GALNTL6: variants seen among roughly 807,000 people sequenced by gnomAD.
The protein encoded by GALNTL6 is polypeptide N-acetylgalactosaminyltransferase like 6, also known as polypeptide N-acetylgalactosaminyltransferase-like 6.
GALNTL6 carries 46 observed loss-of-function variants against 73.7 expected under a neutral mutation model. That is an observed-to-expected ratio of 0.62 (90% CI 0.49 to 0.80). The LOEUF is 0.80. Ranked by LOEUF, GALNTL6 falls within the 30% of genes least tolerant of loss-of-function variation. The pLI is 0.00. For missense variants in GALNTL6, 604 were observed against 755.0 expected, an observed-to-expected ratio of 0.80 and a Z score of 2.34; for synonymous variants, 259 against 263.7, an observed-to-expected ratio of 0.98 and a Z score of 0.17.
chr4:172,969,911 A>C (rs1750496513), intron 10 of GALNTL6, among the ~76,000 whole-genome samples: 1 of 152,164 alleles, frequency 6.6e-6, no homozygotes, highest in Non-Finnish European at 1.5e-5. Context: ...TATTTTCCCT[A>C]AGTGTCAGCT....
chr4:172,793,535 G>A (rs1335506471), intron 5 of GALNTL6, among the ~76,000 whole-genome samples: 1 of 152,144 alleles, frequency 6.6e-6, no homozygotes, highest in African/African-American at 2.4e-5. Context: ...CGGGACCATG[G>A]GAGACACATC....
intron 7 of GALNTL6, among the ~76,000 whole-genome samples, chr4:172,868,349 G>A (rs1327803208): frequency 6.6e-6 from 1 of 152,108 alleles, no homozygotes; most frequent in Non-Finnish European, 1.5e-5. Flanking sequence ...TATCTTCTCA[G>A]CATCTTTGGG....
chr4:171,907,970 CT>C (rs1737347588), intron 2 of GALNTL6, among the ~76,000 whole-genome samples: 2 of 151,990 alleles, frequency 1.3e-5, no homozygotes, highest in South Asian at 4.1e-4. Context: ...GGATCCCTTC[CT>C]TACACCTTAT....
At chr4:172,937,557 G>C (rs1375058738) in intron 9 of GALNTL6, among the ~76,000 whole-genome samples, 1 of 152,172 alleles carries the variant, frequency 6.6e-6, no homozygotes, top group African/African-American at 2.4e-5. Flanking sequence ...AAAAACTTTT[G>C]ACAGATTTTC....
intron 5 of GALNTL6, among the ~76,000 whole-genome samples, chr4:172,393,176 G>A (rs1295700611): frequency 3.3e-5 from 5 of 152,136 alleles, no homozygotes; most frequent in African/African-American, 4.8e-5. Context: ...AAAGGGAGCC[G>A]CTGCTATATA....
chr4:172,811,038 A>G (rs1741266786), intron 6 of GALNTL6, among the ~76,000 whole-genome samples: 1 of 152,160 alleles, frequency 6.6e-6, no homozygotes, highest in Non-Finnish European at 1.5e-5. Context: ...AAAGTATTTC[A>G]TTTCCTGTAG....
intron 8 of GALNTL6, among the ~76,000 whole-genome samples, chr4:172,929,046 C>T (rs1315886475): frequency 6.6e-6 from 1 of 152,172 alleles, no homozygotes; most frequent in Non-Finnish European, 1.5e-5. Context: ...TGTTATAGAG[C>T]TCCAGCCTGT....
At chr4:172,866,536 T>G (rs919358847) in intron 7 of GALNTL6, among the ~76,000 whole-genome samples, 1 of 152,238 alleles carries the variant, frequency 6.6e-6, no homozygotes, top group Non-Finnish European at 1.5e-5. Flanking sequence ...GTCTGGCATA[T>G]GTTTAGATGT....
rs1055517906 is a variant in GALNTL6 at position 172,467,856 on chromosome 4, TTC to T, written c.553+119169_553+119170del. ...TTTCTTTCTTTCTTTCTTTCTTTCT[TTC>T]TTTCTTTCCTTCTTTCCTTCTTTTC... On this transcript the variant is annotated intron_variant, in intron 5 of 12. Coordinates refer to ENST00000506823, the MANE Select transcript of GALNTL6 (RefSeq NM_001034845.3). Among the ~76,000 whole-genome samples the T allele has an allele frequency of 8.1e-5, 12 of 149,052 alleles. 1 individual carries two copies. Among genetic ancestry groups the T allele is most frequent in the African/African-American group, 3.0e-4 (12 of 40,400 alleles).
chr4:171,925,346 GTTAGGAAGA>G (rs1737944226), intron 2 of GALNTL6, among the ~76,000 whole-genome samples: 1 of 152,116 alleles, frequency 6.6e-6, no homozygotes, highest in South Asian at 2.1e-4. Context: ...AATAACTGTG[GTTAGGAAGA>G]TAATTCAGTG....
chr4:172,754,774 C>T (rs1472039644), intron 5 of GALNTL6, among the ~76,000 whole-genome samples: 1 of 147,050 alleles, frequency 6.8e-6, no homozygotes, highest in Non-Finnish European at 1.5e-5. Flanking sequence ...AACTCTTCCA[C>T]AATTTAGAAT....
At chr4:172,952,856 G>A (rs1216978367) in intron 10 of GALNTL6, among the ~76,000 whole-genome samples, 16 of 152,144 alleles carry the variant, frequency 1.1e-4, no homozygotes, top group African/African-American at 2.4e-5. Context: ...TTTTATTTGA[G>A]ATTAGGGAAA....
chr4:172,797,615 C>T (rs1317624323), intron 5 of GALNTL6, among the ~76,000 whole-genome samples: 1 of 151,956 alleles, frequency 6.6e-6, no homozygotes, highest in Non-Finnish European at 1.5e-5. Context: ...GACCTCAGCT[C>T]ACTGCAACCT....
At chr4:172,479,556 G>T (rs1056839813) in intron 5 of GALNTL6, among the ~76,000 whole-genome samples, 2 of 152,174 alleles carry the variant, frequency 1.3e-5, no homozygotes, top group Admixed American at 6.5e-5. Flanking sequence ...CTCAGAAAGA[G>T]AGAGTGTGGG....
intron 8 of GALNTL6, among the ~76,000 whole-genome samples, chr4:172,906,411 C>G (rs1311309565): frequency 6.6e-6 from 1 of 152,150 alleles, no homozygotes; most frequent in Non-Finnish European, 1.5e-5. Flanking sequence ...AAAGAAAACA[C>G]CTGAAGTGAC....
intron 2 of GALNTL6, among the ~76,000 whole-genome samples, chr4:171,964,348 T>C (rs1052467139): frequency 3.9e-5 from 6 of 152,166 alleles, no homozygotes; most frequent in Non-Finnish European, 8.8e-5. Context: ...TATACTTTTA[T>C]TAGGCTAATA....
At chr4:172,025,504 T>C (rs527389103) in intron 2 of GALNTL6, among the ~76,000 whole-genome samples, 2 of 151,966 alleles carry the variant, frequency 1.3e-5, no homozygotes, top group East Asian at 1.9e-4. Context: ...TAATAAAAGA[T>C]AGAAAAATGT....
intron 2 of GALNTL6, among the ~76,000 whole-genome samples, chr4:172,151,702 T>C (rs977566338): frequency 2.0e-5 from 3 of 152,044 alleles, no homozygotes; most frequent in Admixed American, 6.6e-5. Context: ...AGGAATCACC[T>C]TGGGATCTTG....
chr4:172,686,490 T>G (rs751084542), intron 5 of GALNTL6, among the ~76,000 whole-genome samples: 11 of 152,330 alleles, frequency 7.2e-5, no homozygotes, highest in African/African-American at 2.4e-4. Flanking sequence ...GGTAACTTAA[T>G]TGTTAGCTAT....
Sources: allele counts gnomAD v4.1 joint callset (sites outside exome capture counted in the v4.1 genomes callset), GRCh38; gene constraint gnomAD v4.1.1; transcripts MANE v1.5; gene names NCBI Gene and HGNC (gene_info 2026-07-23, HGNC 2026-07-21).